Variants in PDE1A observed in about 807,000 individuals in gnomAD.
PDE1A encodes the protein phosphodiesterase 1A, also known as dual specificity calcium/calmodulin-dependent 3',5'-cyclic nucleotide phosphodiesterase 1A.
Under a neutral mutation model 61.7 loss-of-function variants are expected in PDE1A, and 35 were observed. The ratio of observed to expected loss-of-function variants is 0.57; its 90% CI spans 0.43 to 0.75. The LOEUF (loss-of-function observed/expected upper bound fraction) is 0.75. PDE1A is among the 30% of genes least tolerant of loss of function. The probability of loss-of-function intolerance (pLI) is 0.00; values close to 1 mark genes in which losing one functional copy is unlikely to be tolerated. For synonymous variants in PDE1A, 232 were observed against 213.2 expected (o/e 1.09, Z -0.77); for missense variants, 597 against 630.6 (o/e 0.95, Z 0.57).
the PDE1A span, among the ~76,000 whole-genome samples, chr2:182,661,117 T>C: frequency 6.6e-6 from 1 of 152,236 alleles, no homozygotes; most frequent in African/African-American, 2.4e-5. Flanking sequence ...CATTAACAGA[T>C]GTTTAAAAAC....
chr2:182,172,491 G>A (rs1438228693), intron 13 of PDE1A, among the ~76,000 whole-genome samples: 1 of 151,960 alleles, frequency 6.6e-6, no homozygotes, highest in Non-Finnish European at 1.5e-5. Context: ...TCATTGCATA[G>A]AGAAATGATG....
intron 1 of PDE1A, among the ~76,000 whole-genome samples, chr2:182,296,787 C>T (rs537042453): frequency 1.7e-4 from 26 of 152,198 alleles, no homozygotes; most frequent in African/African-American, 4.6e-4. Context: ...AATTTATGGG[C>T]GCAGTAAAAT....
chr2:182,271,185 CAA>C (rs11399196), intron 1 of PDE1A, among the ~76,000 whole-genome samples: 27 of 111,642 alleles, frequency 2.4e-4, no homozygotes, highest in South Asian at 2.6e-4. Flanking sequence ...CCTTTACCAC[CAA>C]AAAAAAAAAA....
At chr2:182,663,943 T>C in the PDE1A span, among the ~76,000 whole-genome samples, 107,556 of 152,016 alleles carry the variant, frequency 0.71, 38,491 homozygotes, top group Middle Eastern at 0.79. Flanking sequence ...AGTGAAAAGA[T>C]CAGACATAGA....
chr2:182,224,573 C>T lies in PDE1A; in HGVS notation c.676-609G>A, dbSNP rs1001590400. ...TTTCATGTAAAAATCCATGACTATC[C>T]GCTTTACATACATTCATCTTTCAGT... On this transcript the variant is annotated intron_variant, in intron 6 of 13. Coordinates refer to ENST00000351439, the Ensembl canonical transcript of PDE1A. Among the ~76,000 whole-genome samples, 32 of 151,678 alleles carry T rather than the reference C, an allele frequency of 2.1e-4. 1 individual carries two copies. The highest frequency in any genetic ancestry group is 7.3e-4 in the African/African-American group (30 of 41,312).
intron 1 of PDE1A, among the ~76,000 whole-genome samples, chr2:182,289,993 A>C (rs1356392406): frequency 6.6e-6 from 1 of 151,526 alleles, no homozygotes; most frequent in Non-Finnish European, 1.5e-5. Context: ...GGTTACATTA[A>C]ATTATCCTAA....
the PDE1A span, among the ~76,000 whole-genome samples, chr2:182,655,251 C>T: frequency 6.6e-6 from 1 of 152,172 alleles, no homozygotes; most frequent in South Asian, 2.1e-4. Context: ...GCCCACTTCC[C>T]TGAGCTTCTA....
chr2:182,712,293 T>C, the PDE1A span, among the ~76,000 whole-genome samples: 1 of 152,224 alleles, frequency 6.6e-6, no homozygotes, highest in East Asian at 1.9e-4. Flanking sequence ...GGTAGATCTT[T>C]GTACCGCAAA....
At chr2:182,710,137 C>T in the PDE1A span, among the ~76,000 whole-genome samples, 2 of 152,154 alleles carry the variant, frequency 1.3e-5, no homozygotes, top group South Asian at 2.1e-4. Context: ...CCTTATGATC[C>T]GCCCACCTTG....
At chr2:182,713,547 C>T in the PDE1A span, among the ~76,000 whole-genome samples, 10 of 152,272 alleles carry the variant, frequency 6.6e-5, no homozygotes, top group Non-Finnish European at 1.0e-4. Context: ...AGGAGAATTG[C>T]TTGAACCTGG....
chr2:182,301,292 G>A (rs535795475), intron 1 of PDE1A, among the ~76,000 whole-genome samples: 1 of 152,264 alleles, frequency 6.6e-6, no homozygotes, highest in South Asian at 2.1e-4. Flanking sequence ...GTCTGTGGAT[G>A]GCACTGTTAC....
chr2:182,418,726 C>A (rs916194136), intron 1 of PDE1A, among the ~76,000 whole-genome samples: 7 of 152,174 alleles, frequency 4.6e-5, no homozygotes, highest in Non-Finnish European at 1.0e-4. Flanking sequence ...GGCTTGGCCA[C>A]GTGGCTTTTT....
the PDE1A span, among the ~76,000 whole-genome samples, chr2:182,548,479 A>G: frequency 6.6e-6 from 1 of 152,196 alleles, no homozygotes; most frequent in African/African-American, 2.4e-5. Context: ...GTGCCTGACA[A>G]CTGCTCTCAA....
chr2:182,350,241 G>A (rs62190184), intron 1 of PDE1A, among the ~76,000 whole-genome samples: 39,885 of 152,144 alleles, frequency 0.26, 6,440 homozygotes, highest in Middle Eastern at 0.39. Flanking sequence ...CTTGTTGTTT[G>A]TGGATGTACT....
the PDE1A span, among the ~76,000 whole-genome samples, chr2:182,687,903 C>T: frequency 6.2e-4 from 95 of 152,038 alleles, no homozygotes; most frequent in African/African-American, 2.0e-3. Flanking sequence ...GTAGCCGATT[C>T]GATCAACTGG....
chr2:182,579,725 A>C, the PDE1A span, among the ~76,000 whole-genome samples: 4 of 148,406 alleles, frequency 2.7e-5, no homozygotes, highest in East Asian at 2.0e-4. Flanking sequence ...TGGTATGCCC[A>C]AAAAAAAAAG....
At chr2:182,554,958 A>T in the PDE1A span, among the ~76,000 whole-genome samples, 2 of 152,264 alleles carry the variant, frequency 1.3e-5, no homozygotes, top group African/African-American at 4.8e-5. Context: ...ATTTCAAGAC[A>T]TCATTTCAAA....
At chr2:182,205,503 T>C (rs1395777565) in intron 8 of PDE1A, among the ~76,000 whole-genome samples, 1 of 152,134 alleles carries the variant, frequency 6.6e-6, no homozygotes, top group Admixed American at 6.6e-5. Context: ...TTTAGTATAT[T>C]GGAATTTTTT....
At chr2:182,706,773 G>GATTTC in the PDE1A span, among the ~76,000 whole-genome samples, 5 of 152,194 alleles carry the variant, frequency 3.3e-5, no homozygotes, top group Non-Finnish European at 7.3e-5. Flanking sequence ...TGGGCATTCT[G>GATTTC]ATTTCACACT....
Sources: gnomAD v4.1 joint callset for allele counts (sites outside exome capture counted in the v4.1 genomes callset) on GRCh38, gnomAD v4.1.1 for gene constraint, MANE v1.5 for transcripts, NCBI Gene and HGNC (gene_info 2026-07-23, HGNC 2026-07-21) for gene names.